XKR4: variants seen among roughly 807,000 people sequenced by gnomAD.
The protein encoded by XKR4 is XK-related protein 4.
A neutral mutation model predicts 53.9 loss-of-function variants in XKR4; 12 were observed. That is an observed-to-expected ratio of 0.22 (90% CI 0.14 to 0.36). XKR4 has a LOEUF of 0.36. Among genes scored for constraint, XKR4 ranks in the 10% least tolerant of loss-of-function variants. The pLI is 1.00. For missense variants in XKR4, 799 were observed against 859.5 expected, an observed-to-expected ratio of 0.93 and a Z score of 0.88; for synonymous variants, 354 against 362.4, an observed-to-expected ratio of 0.98 and a Z score of 0.26.
intron 2 of XKR4, among the ~76,000 whole-genome samples, chr8:55,396,285 C>T (rs1156748953): frequency 1.3e-5 from 2 of 151,806 alleles, no homozygotes; most frequent in African/African-American, 4.8e-5. Context: ...GCCCCAGTGG[C>T]AAAGCTCTGC....
intron 1 of XKR4, among the ~76,000 whole-genome samples, chr8:55,307,068 G>A (rs1338761440): frequency 6.6e-6 from 1 of 151,582 alleles, no homozygotes; most frequent in Non-Finnish European, 1.5e-5. Flanking sequence ...AAATATTTGA[G>A]ACCTAGGACT....
intron 1 of XKR4, among the ~76,000 whole-genome samples, chr8:55,272,150 A>G (rs1818701081): frequency 6.6e-6 from 1 of 152,170 alleles, no homozygotes; most frequent in Non-Finnish European, 1.5e-5. Flanking sequence ...AAAGAATAAG[A>G]AATGATTCTA....
chr8:55,124,467 C>T (rs1816434345), intron 1 of XKR4, among the ~76,000 whole-genome samples: 2 of 152,206 alleles, frequency 1.3e-5, no homozygotes, highest in African/African-American at 4.8e-5. Context: ...ATTTAAAGCT[C>T]ATGATTGTTT....
At chr8:55,447,837 A>G (rs537025900) in intron 2 of XKR4, among the ~76,000 whole-genome samples, 1 of 152,350 alleles carries the variant, frequency 6.6e-6, no homozygotes, top group Non-Finnish European at 1.5e-5. Flanking sequence ...GAAGTCTGAG[A>G]CTGGGGAATT....
chr8:55,389,250 T>C (rs1804402699), intron 2 of XKR4, among the ~76,000 whole-genome samples: 1 of 152,188 alleles, frequency 6.6e-6, no homozygotes, highest in Non-Finnish European at 1.5e-5. Flanking sequence ...TGTGAGACAA[T>C]AAATTTCTGT....
chr8:55,375,390 A>G (rs1804131964), intron 2 of XKR4, among the ~76,000 whole-genome samples: 2 of 152,168 alleles, frequency 1.3e-5, no homozygotes, highest in Non-Finnish European at 2.9e-5. Context: ...GAGTTCCCTC[A>G]TTCACATTCT....
At chr8:55,475,979 C>T (rs1805978361) in intron 2 of XKR4, among the ~76,000 whole-genome samples, 2 of 152,048 alleles carry the variant, frequency 1.3e-5, no homozygotes, top group Non-Finnish European at 1.5e-5. Context: ...CTCCTTGGCT[C>T]AAGTGATCCA....
At chr8:55,170,996 T>A (rs1817149066) in intron 1 of XKR4, among the ~76,000 whole-genome samples, 1 of 152,204 alleles carries the variant, frequency 6.6e-6, no homozygotes, top group Admixed American at 6.5e-5. Context: ...CCCTGTGGTA[T>A]TTTTGGTATC....
At chr8:55,495,025 C>G (rs957102155) in intron 2 of XKR4, among the ~76,000 whole-genome samples, 13 of 150,718 alleles carry the variant, frequency 8.6e-5, no homozygotes, top group Non-Finnish European at 1.8e-4. Context: ...GCTGGCAGGC[C>G]AGCACCAGGC....
chr8:55,216,509 C>A (rs556287800), intron 1 of XKR4, among the ~76,000 whole-genome samples: 6 of 152,284 alleles, frequency 3.9e-5, no homozygotes, highest in African/African-American at 1.4e-4. Context: ...GGGCTGATCA[C>A]CTGAGGTCAG....
At chr8:55,338,389 G>A (rs926910789) in intron 1 of XKR4, among the ~76,000 whole-genome samples, 8 of 152,202 alleles carry the variant, frequency 5.3e-5, no homozygotes, top group African/African-American at 1.9e-4. Context: ...CAGGGCACCA[G>A]AGTAGGAGCC....
intron 1 of XKR4, among the ~76,000 whole-genome samples, chr8:55,184,057 G>A (rs376401964): frequency 3.3e-5 from 5 of 152,200 alleles, no homozygotes; most frequent in East Asian, 3.9e-4. Context: ...GTGTGAACAC[G>A]TTTATTCTGC....
chr8:55,484,929 T>A (rs1033163675), intron 2 of XKR4, among the ~76,000 whole-genome samples: 2 of 152,214 alleles, frequency 1.3e-5, no homozygotes. Context: ...TACCATCAGC[T>A]CTCCTGGATC....
At chr8:55,418,858 T>C (rs958062088) in intron 2 of XKR4, among the ~76,000 whole-genome samples, 4 of 151,764 alleles carry the variant, frequency 2.6e-5, no homozygotes, top group Non-Finnish European at 5.9e-5. Context: ...CCCGTACTGC[T>C]CTCTGATGCT....
At chr8:55,226,990 ACT>A in intron 1 of XKR4, among the ~76,000 whole-genome samples, 1 of 151,948 alleles carries the variant, frequency 6.6e-6, no homozygotes, top group East Asian at 1.9e-4. Context: ...AACCTGGCTC[ACT>A]CTTACTTACC....
rs899189818 is a variant in XKR4, at chr8:55,454,812, G to A, written c.1007-68469G>A. 3.9e-6 allele frequency: 3 copies of A among 769,746 alleles called. No individual in the cohort carries two copies. The African/African-American group carries it at 5.1e-5, about 13-fold the overall frequency. 47.7% of individuals were successfully genotyped at this position (769,746 alleles called of 1,614,324 possible). A position where few individuals can be genotyped will look rare whatever the true frequency, so the allele number is the denominator to read the frequency against. On this transcript the variant is annotated intron_variant, in intron 2 of 2. Coordinates refer to ENST00000327381, the MANE Select transcript of XKR4 (RefSeq NM_052898.2). ...TCTGGGCAGATGGGCAGGCTCTGTG[G>A]GCGACAGGTGCGTAAGGCCTCCCTC...
chr8:55,273,452 T>C (rs1818722080), intron 1 of XKR4, among the ~76,000 whole-genome samples: 1 of 152,180 alleles, frequency 6.6e-6, no homozygotes, highest in South Asian at 2.1e-4. Flanking sequence ...CTAGATTGCC[T>C]TTGTAAGACT....
chr8:55,178,076 A>AGTGGC (rs1472161531), intron 1 of XKR4, among the ~76,000 whole-genome samples: 5 of 152,220 alleles, frequency 3.3e-5, no homozygotes, highest in Non-Finnish European at 7.4e-5. Context: ...CAATTTCTGC[A>AGTGGC]TTGCCCTCTG....
At chr8:55,330,116 T>A (rs534164684) in intron 1 of XKR4, among the ~76,000 whole-genome samples, 6 of 152,298 alleles carry the variant, frequency 3.9e-5, no homozygotes, top group African/African-American at 1.4e-4. Context: ...ATCACCATAT[T>A]TGAGCTGGAT....
Sources: allele counts gnomAD v4.1 joint callset (sites outside exome capture counted in the v4.1 genomes callset), GRCh38; gene constraint gnomAD v4.1.1; transcripts MANE v1.5; gene names NCBI Gene and HGNC (gene_info 2026-07-23, HGNC 2026-07-21).